Variants in CAST observed in about 807,000 individuals in gnomAD.
CAST encodes MIR583 host.
In CAST, 76 loss-of-function variants were observed where a neutral mutation model predicts 119.6. The observed-to-expected ratio is 0.64, with a 90% CI of 0.53 to 0.77. CAST has a LOEUF of 0.77. CAST is among the 30% of genes least tolerant of loss of function. CAST has a pLI of 0.00. For missense variants in CAST, 953 were observed against 946.5 expected (o/e 1.01, Z -0.09); for synonymous variants, 319 against 331.6 (o/e 0.96, Z 0.41).
the CAST span, among the ~76,000 whole-genome samples, chr5:96,290,905 G>A: frequency 6.6e-6 from 1 of 152,154 alleles, no homozygotes; most frequent in African/African-American, 2.4e-5. Flanking sequence ...GACCTTGGGG[G>A]AAATGACAGT....
the CAST span, among the ~76,000 whole-genome samples, chr5:96,106,475 T>C: frequency 6.6e-6 from 1 of 152,148 alleles, no homozygotes; most frequent in African/African-American, 2.4e-5. Context: ...TTCATTTCAT[T>C]ATGTACCCAG....
the CAST span, among the ~76,000 whole-genome samples, chr5:96,204,775 T>A: frequency 6.6e-6 from 1 of 151,974 alleles, no homozygotes; most frequent in South Asian, 2.1e-4. Flanking sequence ...AGGCTTCTCC[T>A]AGGATTGACA....
the CAST span, among the ~76,000 whole-genome samples, chr5:96,368,518 A>G: frequency 1.3e-5 from 2 of 151,658 alleles, no homozygotes; most frequent in African/African-American, 2.4e-5. Flanking sequence ...AAAAAAAACA[A>G]AAAAACCTAT....
At chr5:95,983,933 T>C in the CAST span, among the ~76,000 whole-genome samples, 1 of 152,134 alleles carries the variant, frequency 6.6e-6, no homozygotes, top group Non-Finnish European at 1.5e-5. Flanking sequence ...ACAGAATAGA[T>C]TTGGAGGGGT....
intron 1 of CAST, chr5:96,546,461 T>G (rs1343967650): frequency 6.6e-6 from 1 of 152,114 alleles, no homozygotes; most frequent in Non-Finnish European, 1.5e-5. Flanking sequence ...TCAGAACACA[T>G]AGTTACCTGA....
chr5:96,619,239 C>T (rs1747537826), intron 1 of CAST, among the ~76,000 whole-genome samples: 1 of 152,052 alleles, frequency 6.6e-6, no homozygotes, highest in African/African-American at 2.4e-5. Flanking sequence ...AGTGCTCTGC[C>T]TAGCTAATCT....
the CAST span, among the ~76,000 whole-genome samples, chr5:96,395,362 G>GA: frequency 6.6e-6 from 1 of 152,102 alleles, no homozygotes; most frequent in Non-Finnish European, 1.5e-5. Flanking sequence ...ATTCCACTGG[G>GA]AAAAAAGTCA....
chr5:95,989,464 T>C, the CAST span, among the ~76,000 whole-genome samples: 1 of 152,186 alleles, frequency 6.6e-6, no homozygotes, highest in Non-Finnish European at 1.5e-5. Flanking sequence ...TATTGGTTCA[T>C]ATAAGCTGCT....
the CAST span, among the ~76,000 whole-genome samples, chr5:96,185,704 C>CTATGTGTCT: frequency 6.6e-6 from 1 of 152,102 alleles, no homozygotes; most frequent in African/African-American, 2.4e-5. Context: ...ATCAATTGGT[C>CTATGTGTCT]TATGTGTCTG....
At chr5:96,247,738 G>A in the CAST span, 3 of 152,168 alleles carry the variant, frequency 2.0e-5, no homozygotes, top group East Asian at 1.9e-4. Flanking sequence ...TTGGCTGGTC[G>A]GTAGCTTAGA....
the CAST span, among the ~76,000 whole-genome samples, chr5:96,239,922 T>C: frequency 6.6e-6 from 1 of 152,134 alleles, no homozygotes; most frequent in African/African-American, 2.4e-5. Context: ...TGCCCTTTTC[T>C]TTTTGCTGCC....
chr5:96,714,766 G>A (rs557418731), intron 3 of CAST: 1 of 152,270 alleles, frequency 6.6e-6, no homozygotes, highest in African/African-American at 2.4e-5. Flanking sequence ...ACTGACCTAG[G>A]CTGTGTGGCT....
intron 25 of CAST, chr5:96,762,975 C>G: frequency 1.7e-6 from 1 of 591,772 alleles, no homozygotes; most frequent in African/African-American, 1.9e-5. Context: ...ACTTCCTTGA[C>G]TAATCACCTG....
the CAST span, among the ~76,000 whole-genome samples, chr5:96,437,196 G>A: frequency 6.6e-6 from 1 of 152,208 alleles, no homozygotes; most frequent in South Asian, 2.1e-4. Flanking sequence ...GCTTTGAGGT[G>A]GATGAATAAT....
chr5:96,445,109 A>G, the CAST span, among the ~76,000 whole-genome samples: 1 of 152,210 alleles, frequency 6.6e-6, no homozygotes, highest in Non-Finnish European at 1.5e-5. Context: ...AAGAACCCTG[A>G]GGACTGCACT....
the CAST span, among the ~76,000 whole-genome samples, chr5:96,317,476 CAAAAAAA>C: frequency 7.9e-5 from 4 of 50,604 alleles, no homozygotes; most frequent in East Asian, 2.2e-3. Context: ...GACTCCATCT[CAAAAAAA>C]AAAAAAAAAA....
At chr5:96,433,638 C>T in the CAST span, among the ~76,000 whole-genome samples, 1 of 151,954 alleles carries the variant, frequency 6.6e-6, no homozygotes, top group African/African-American at 2.4e-5. Flanking sequence ...TTATAATGGC[C>T]CTTTGGGCAT....
chr5:96,144,036 ATTAC>A, the CAST span, among the ~76,000 whole-genome samples: 3 of 152,308 alleles, frequency 2.0e-5, no homozygotes, highest in African/African-American at 2.4e-5. Context: ...AAAATGAACA[ATTAC>A]TTAATATACT....
chr5:96,134,372 T>C, the CAST span, among the ~76,000 whole-genome samples: 1 of 152,236 alleles, frequency 6.6e-6, no homozygotes, highest in Admixed American at 6.5e-5. Context: ...GTCTTTAAGA[T>C]ATATATTACA....
Sources: allele counts gnomAD v4.1 joint callset (sites outside exome capture counted in the v4.1 genomes callset), GRCh38; gene constraint gnomAD v4.1.1; transcripts MANE v1.5; gene names NCBI Gene and HGNC (gene_info 2026-07-23, HGNC 2026-07-21).